Variants in LRP8 observed in about 807,000 individuals in gnomAD.
LRP8 encodes LDL receptor related protein 8, also known as low-density lipoprotein receptor-related protein 8.
LRP8 carries 46 observed loss-of-function variants against 111.6 expected under a neutral mutation model. That is an observed-to-expected ratio of 0.41 (90% CI 0.33 to 0.53). LRP8 has a LOEUF of 0.53. Among genes scored for constraint, LRP8 ranks in the 20% least tolerant of loss-of-function variants. The pLI is 0.20. For missense variants in LRP8, 959 were observed against 1,297.4 expected (o/e 0.74, Z 4.01); for synonymous variants, 464 against 511.2 (o/e 0.91, Z 1.24).
rs1324228853 is a variant in LRP8 at position 53,245,523 on chromosome 1, T to C, written c.*1495A>G. The C allele has an allele frequency of 6.6e-6, 1 of 152,222 alleles. No individual in the cohort carries two copies. Among genetic ancestry groups the C allele is most frequent in the African/African-American group, 2.4e-5 (1 of 41,456 alleles). The allele number at this position is 152,222 out of a possible 1,614,324, so 9.4% of individuals were successfully genotyped here. A position where few individuals can be genotyped will look rare whatever the true frequency, so the allele number is the denominator to read the frequency against. On this transcript the variant is annotated 3_prime_UTR_variant, in exon 19 of 19. Coordinates refer to ENST00000306052, the MANE Select transcript of LRP8 (RefSeq NM_004631.5). The stretch of plus-strand genomic sequence containing the variant: ...CCAAGAAAAGCAAAGAAGATGTCTA[T>C]AATGAAGAACATCTATACATATACC...
At chr1:53,295,902 G>C (rs1246955855) in intron 2 of LRP8, among the ~76,000 whole-genome samples, 9 of 152,230 alleles carry the variant, frequency 5.9e-5, no homozygotes, top group African/African-American at 1.4e-4. Flanking sequence ...CAGATGATTA[G>C]ATGAGGTGCA....
chr1:53,272,558 GC>G, intron 6 of LRP8: 1 of 1,289,578 alleles, frequency 7.8e-7, no homozygotes, highest in Non-Finnish European at 1.0e-6. Flanking sequence ...GCTATGGGGT[GC>G]CCCCACTTCC....
rs1646193380 is a variant in LRP8 at position 53,258,489 on chromosome 1, G to T, written c.2057-18C>A. On this transcript the variant is annotated intron_variant, in intron 13 of 18. Transcript: ENST00000306052. Reference sequence around the variant, plus strand: ...ATCTGGAGCTAATGGCAGAGAGGGAGACAGCTGGGGCACAGACAGGACATG... The same window carrying T: ...ATCTGGAGCTAATGGCAGAGAGGGATACAGCTGGGGCACAGACAGGACATG... 6.2e-7 allele frequency: 1 copy of T among 1,612,704 alleles called. No individual in the cohort carries two copies. Among genetic ancestry groups the T allele is most frequent in the African/African-American group, 1.3e-5 (1 of 75,010 alleles).
At chr1:53,260,636 C>T in intron 12 of LRP8, 31 bp from the exon 13 acceptor site, 1 of 1,608,236 alleles carries the variant, frequency 6.2e-7, no homozygotes, top group Non-Finnish European at 8.5e-7. Context: ...GGATGGGAGG[C>T]CTGGAGTGTA....
intron 12 of LRP8, among the ~76,000 whole-genome samples, chr1:53,260,857 G>A (rs1646307936): frequency 6.6e-6 from 1 of 152,152 alleles, no homozygotes; most frequent in Non-Finnish European, 1.5e-5. Context: ...CATTCATGCT[G>A]AACTAAGCCT....
chr1:53,262,145 A>G lies in LRP8; in HGVS notation c.1837T>C (p.Phe613Leu), dbSNP rs775312322. Residue 613 changes from phenylalanine (F) to leucine (L), a missense_variant, in exon 12 of 19, where the codon TTC (phenylalanine) becomes CTC (leucine). Physicochemically the swap from Phe to Leu is conservative, Grantham distance 22 (BLOSUM62 0). Transcript: ENST00000306052. The surrounding 1 kb of genome is among the most constrained non-coding windows in gnomAD (Gnocchi z 4.8). ...SKLHQLSSIDFSGGNRKTLIS... is the reference protein window; with the variant it reads ...SKLHQLSSIDLSGGNRKTLIS... The stretch of plus-strand genomic sequence containing the variant: ...AGCGTCTTTCTGTTGCCTCCACTGA[A>G]GTCAATGCTGGACAGTTGGTGTAGC... The G allele has an allele frequency of 1.1e-5, 17 of 1,614,010 alleles. No homozygotes were observed. Among genetic ancestry groups the G allele is most frequent in the South Asian group, 5.5e-5 (5 of 91,084 alleles).
rs1438627453 is a variant in LRP8, at chr1:53,279,764, C to T, written c.496+823G>A. Among the ~76,000 whole-genome samples, 1 of 152,226 alleles carries T rather than the reference C, an allele frequency of 6.6e-6. No homozygotes were observed. Among genetic ancestry groups the T allele is most frequent in the African/African-American group, 2.4e-5 (1 of 41,454 alleles). Reference sequence around the variant, plus strand: ...CCGCCCGTATTTCAGCCCAGCCGCACAGCCTAGTAGCGACAGCCAGTCTGT... The same window carrying T: ...CCGCCCGTATTTCAGCCCAGCCGCATAGCCTAGTAGCGACAGCCAGTCTGT... On this transcript the variant is annotated intron_variant, in intron 4 of 18. Transcript: ENST00000306052. The surrounding 1 kb of genome is among the most constrained non-coding windows in gnomAD (Gnocchi z 4.4).
chr1:53,296,739 G>T (rs72895356), intron 2 of LRP8, among the ~76,000 whole-genome samples: 1 of 152,218 alleles, frequency 6.6e-6, no homozygotes, highest in African/African-American at 2.4e-5. Flanking sequence ...AGTAATGAGA[G>T]GGGGAGGAGA....
At chr1:53,285,660 A>G (rs912426244) in intron 3 of LRP8, among the ~76,000 whole-genome samples, 17 of 152,220 alleles carry the variant, frequency 1.1e-4, no homozygotes, top group Non-Finnish European at 1.5e-5. Context: ...TATTTCATGA[A>G]GTGCAAATGC....
At chr1:53,327,764 C>G (rs970084738) in intron 1 of LRP8, 25 bp downstream of exon 1, 11 of 1,490,782 alleles carry the variant, frequency 7.4e-6, no homozygotes, top group African/African-American at 2.9e-5. Flanking sequence ...GGAGCAGAGC[C>G]GAGTCAGAGA....
Position 53,244,975 on chromosome 1 carries a change from C to A in LRP8, c.*2043G>T, listed in dbSNP as rs377150205. The A allele has an allele frequency of 9.8e-5, 15 of 152,294 alleles. No individual in the cohort carries two copies. Among genetic ancestry groups the A allele is most frequent in the Non-Finnish European group, 2.1e-4 (14 of 68,030 alleles). 9.4% of individuals were successfully genotyped at this position (152,294 alleles called of 1,614,324 possible). ...TCATTCTAGGTCAACTGCATTTACC[C>A]TCTCAATGAATGTTTCAGGACTATC... On this transcript the variant is annotated 3_prime_UTR_variant, in exon 19 of 19. Transcript: ENST00000306052.
intron 2 of LRP8, among the ~76,000 whole-genome samples, chr1:53,322,780 T>C (rs1654683486): frequency 6.6e-6 from 1 of 152,070 alleles, no homozygotes; most frequent in Non-Finnish European, 1.5e-5. Flanking sequence ...GGCCGCACAC[T>C]GAGGGCCAGA....
intron 6 of LRP8, among the ~76,000 whole-genome samples, chr1:53,272,341 T>C (rs1646784571): frequency 6.6e-6 from 1 of 152,146 alleles, no homozygotes; most frequent in Non-Finnish European, 1.5e-5. Context: ...GGTCAGGGAA[T>C]CCAGGACCAA....
intron 2 of LRP8, among the ~76,000 whole-genome samples, chr1:53,318,966 T>A (rs1238699391): frequency 1.3e-5 from 2 of 152,194 alleles, no homozygotes; most frequent in Admixed American, 6.5e-5. Context: ...TTATTAACTA[T>A]GTTTTTCATT....
rs148914954 is a variant in LRP8, at chr1:53,279,124, T to C, written c.496+1463A>G. Among the ~76,000 whole-genome samples the C allele has an allele frequency of 7.5e-3, 1,136 of 152,188 alleles. 8 individuals carry two copies. The highest frequency in any genetic ancestry group is 0.026 in the African/African-American group (1,067 of 41,508). On this transcript the variant is annotated intron_variant, in intron 4 of 18. Transcript: ENST00000306052. This position sits in a 1 kb window ranked among gnomAD's most constrained non-coding sequence, Gnocchi z 4.4. ...GTGCTTCTTCATACTGAGTTTTCTCTGAGGTTTTGGAGCCAACAGTAACTT... is the reference window on the plus strand; with the variant it reads ...GTGCTTCTTCATACTGAGTTTTCTCCGAGGTTTTGGAGCCAACAGTAACTT...
rs773155489 is a variant in LRP8, at chr1:53,317,455, G to A, written c.244+9418C>T. 1.2e-4 allele frequency among the ~76,000 whole-genome samples: 19 copies of A among 152,166 alleles called. No individual in the cohort carries two copies. Among genetic ancestry groups the A allele is most frequent in the South Asian group, 2.1e-4 (1 of 4,830 alleles). On this transcript the variant is annotated intron_variant, in intron 2 of 18. Transcript: ENST00000306052. This position sits in a 1 kb window ranked among gnomAD's most constrained non-coding sequence, Gnocchi z 4.9. The stretch of plus-strand genomic sequence containing the variant: ...AGATGGGGTGGGATGAGATGGCTCC[G>A]ACAGTCCCTCCCAGCCCGAGGAGCT...
intron 2 of LRP8, among the ~76,000 whole-genome samples, chr1:53,320,048 G>T (rs1001610288): frequency 2.0e-5 from 3 of 152,286 alleles, no homozygotes; most frequent in African/African-American, 7.2e-5. Context: ...CAGAGTCTTG[G>T]TTCTCTCCTC....
chr1:53,284,757 G>C (rs1222489535), intron 3 of LRP8, among the ~76,000 whole-genome samples: 1 of 152,198 alleles, frequency 6.6e-6, no homozygotes, highest in Non-Finnish European at 1.5e-5. Flanking sequence ...AGGTTCTCAA[G>C]GATTCAGCAG....
At chr1:53,311,275 G>A (rs572564159) in intron 2 of LRP8, among the ~76,000 whole-genome samples, 84 of 152,238 alleles carry the variant, frequency 5.5e-4, no homozygotes, top group African/African-American at 1.9e-3. Context: ...TGTGAGGAGC[G>A]GGGAGGGGTA....
Sources: gnomAD v4.1 joint callset for allele counts (sites outside exome capture counted in the v4.1 genomes callset) on GRCh38, gnomAD v4.1.1 for gene constraint, Gnocchi (gnomAD v3.1) non-coding constraint, MANE v1.5 for transcripts, NCBI Gene and HGNC (gene_info 2026-07-23, HGNC 2026-07-21) for gene names.